The following RGS9 variants were observed in gnomAD, a reference collection of about 807,000 sequenced individuals.
The protein encoded by RGS9 is regulator of G-protein signalling 9.
In RGS9, 78 loss-of-function variants were observed where a neutral mutation model predicts 102.0. That is an observed-to-expected ratio of 0.76 (90% CI 0.64 to 0.92). The LOEUF is 0.92. Among genes scored for constraint, RGS9 ranks in the 40% least tolerant of loss-of-function variants. RGS9 has a pLI of 0.00. For synonymous variants in RGS9, 353 were observed against 318.6 expected (o/e 1.11, Z -1.15); for missense variants, 833 against 866.1 (o/e 0.96, Z 0.48).
chr17:65,156,713 C>T (rs975227469), intron 2 of RGS9, among the ~76,000 whole-genome samples: 1 of 152,270 alleles, frequency 6.6e-6, no homozygotes, highest in Non-Finnish European at 1.5e-5. Context: ...CTCGGCTCCT[C>T]GGTGGAGAGA....
At chr17:65,175,878 A>G (rs1341799916) in intron 8 of RGS9, among the ~76,000 whole-genome samples, 2 of 152,236 alleles carry the variant, frequency 1.3e-5, no homozygotes, top group African/African-American at 4.8e-5. Context: ...TTTATGTAAA[A>G]TGTATTTTGT....
At chr17:65,177,140 A>AACCACC (rs1911668446) in intron 8 of RGS9, among the ~76,000 whole-genome samples, 2 of 143,408 alleles carry the variant, frequency 1.4e-5, no homozygotes, top group African/African-American at 2.7e-5. Flanking sequence ...TGGGGATGCC[A>AACCACC]TTTATCTGTC....
At chr17:65,190,732 C>T (rs897239472) in intron 11 of RGS9, among the ~76,000 whole-genome samples, 2 of 152,298 alleles carry the variant, frequency 1.3e-5, no homozygotes, top group Admixed American at 1.3e-4. Flanking sequence ...ACCCAGCCCC[C>T]CATAGGACAT....
chr17:65,202,714 GT>G (rs1912904836), intron 14 of RGS9, among the ~76,000 whole-genome samples: 2 of 152,098 alleles, frequency 1.3e-5, no homozygotes. Flanking sequence ...AAAGCCAAGA[GT>G]TCCAGGTTAA....
chr17:65,205,472 G>A (rs189496471), intron 15 of RGS9, among the ~76,000 whole-genome samples: 19 of 151,508 alleles, frequency 1.3e-4, no homozygotes, highest in African/African-American at 3.9e-4. Context: ...CATAGGTTGC[G>A]TGATATAGCT....
intron 17 of RGS9, among the ~76,000 whole-genome samples, chr17:65,216,188 A>G (rs1308421971): frequency 6.6e-6 from 1 of 152,254 alleles, no homozygotes; most frequent in African/African-American, 2.4e-5. Flanking sequence ...GTCTAAAATG[A>G]TAGATTGAAA....
At chr17:65,177,881 G>A in intron 9 of RGS9, 78 bp downstream of exon 9, 2 of 1,094,542 alleles carry the variant, frequency 1.8e-6, no homozygotes, top group Non-Finnish European at 2.8e-6. Context: ...GTCTATTCGT[G>A]TCTGTTAGGG....
chr17:65,225,301 G>A lies in RGS9; in HGVS notation c.1707G>A (p.Arg569=), dbSNP rs764637542. The change falls in exon 18 of 19, where the codon CGG becomes CGA. Residue 569 remains arginine (R), a synonymous_variant. Coordinates refer to ENST00000262406, the MANE Select transcript of RGS9 (RefSeq NM_003835.4). ...TCGACACCTCCTGGCCTCGCAGCCG[G>A]CCCAGGGCCCCTCCTAAGGCCCGCA... ...ASLDTSWPRS[R]PRAPPKARMA... 3 of 1,609,582 alleles carry A rather than the reference G, an allele frequency of 1.9e-6. No individual in the cohort carries two copies. The highest frequency in any genetic ancestry group is 4.5e-5 in the East Asian group (2 of 44,866).
chr17:65,223,306 AC>A (rs1905443809), intron 17 of RGS9, among the ~76,000 whole-genome samples: 1 of 152,132 alleles, frequency 6.6e-6, no homozygotes, highest in South Asian at 2.1e-4. Flanking sequence ...TTGCTCTGCC[AC>A]CCTGTGGGAT....
intron 1 of RGS9, among the ~76,000 whole-genome samples, chr17:65,140,775 T>C (rs2013738): frequency 0.067 from 10,189 of 152,096 alleles, 1,069 homozygotes; most frequent in African/African-American, 0.22. Context: ...CTTGGGAGGC[T>C]GAGGCAGGAG....
intron 16 of RGS9, among the ~76,000 whole-genome samples, chr17:65,208,603 TC>T (rs1913162635): frequency 6.6e-6 from 1 of 152,186 alleles, no homozygotes; most frequent in African/African-American, 2.4e-5. Flanking sequence ...CAGATTGAAC[TC>T]TTTTCCGGGG....
At chr17:65,215,497 G>GTTCTTTCTTTCTTTCTTTCTTTCTTTCT (rs779043184) in intron 17 of RGS9, among the ~76,000 whole-genome samples, 2 of 133,552 alleles carry the variant, frequency 1.5e-5, no homozygotes, top group African/African-American at 2.9e-5. Flanking sequence ...TCGTTCTTTC[G>GTTCTTTCTTTCTTTCTTTCTTTCTTTCT]TTCTTTCTTT....
intron 17 of RGS9, among the ~76,000 whole-genome samples, chr17:65,211,091 C>G (rs1474444045): frequency 6.6e-6 from 1 of 152,144 alleles, no homozygotes; most frequent in Non-Finnish European, 1.5e-5. Context: ...AAGGCCTCTC[C>G]CCATACCCAA....
At chr17:65,174,209 A>G (rs1911527371) in intron 8 of RGS9, among the ~76,000 whole-genome samples, 1 of 152,172 alleles carries the variant, frequency 6.6e-6, no homozygotes, top group African/African-American at 2.4e-5. Flanking sequence ...GGGCAACCAA[A>G]TTTATATCAG....
At chr17:65,197,568 C>T (rs779654723) in intron 13 of RGS9, among the ~76,000 whole-genome samples, 3 of 152,206 alleles carry the variant, frequency 2.0e-5, no homozygotes, top group Non-Finnish European at 4.4e-5. Context: ...TCTAGTCAGC[C>T]TCTAAATATA....
At position 65,137,442 on chromosome 17, in the gene RGS9, G is replaced by A. The variant is rs111635220; in HGVS notation, c.-99G>A. The A allele has an allele frequency of 1.6e-6, 2 of 1,263,068 alleles. No individual in the cohort carries two copies. The highest frequency in any genetic ancestry group is 1.7e-5 in the Admixed American group (1 of 59,172). 78.2% of individuals were successfully genotyped at this position (1,263,068 alleles called of 1,614,324 possible). A position where few individuals can be genotyped will look rare whatever the true frequency, so the allele number is the denominator to read the frequency against. ...CCCGCCCAGCCGCCTCCCCGTCGAC[G>A]CCCAGGGCTGGGGCGAGCCAGGCTG... is the stretch of plus-strand genomic sequence containing the variant. On this transcript the variant is annotated 5_prime_UTR_variant, in exon 1 of 19. Transcript: ENST00000262406.
intron 2 of RGS9, 74 bp downstream of exon 2, chr17:65,153,592 GT>G: frequency 7.8e-7 from 1 of 1,280,774 alleles, no homozygotes; most frequent in Non-Finnish European, 1.1e-6. Flanking sequence ...TCCTGTGTTT[GT>G]AAAAAACTTT....
intron 1 of RGS9, among the ~76,000 whole-genome samples, chr17:65,142,652 G>A (rs984476537): frequency 6.7e-6 from 1 of 149,436 alleles, no homozygotes; most frequent in African/African-American, 2.5e-5. Flanking sequence ...GCGAGATCTC[G>A]GCTAACGGTA....
intron 1 of RGS9, among the ~76,000 whole-genome samples, chr17:65,146,861 G>A (rs1910382901): frequency 6.6e-6 from 1 of 151,690 alleles, no homozygotes; most frequent in Non-Finnish European, 1.5e-5. Context: ...CTACAGCTTG[G>A]GCTACAGAGT....
Sources: gnomAD v4.1 joint callset for allele counts (sites outside exome capture counted in the v4.1 genomes callset) on GRCh38, gnomAD v4.1.1 for gene constraint, MANE v1.5 for transcripts, NCBI Gene and HGNC (gene_info 2026-07-23, HGNC 2026-07-21) for gene names.